Variants in PIP5K1B observed in about 807,000 individuals in gnomAD.
PIP5K1B encodes the protein phosphatidylinositol-4-phosphate 5-kinase type 1 beta.
In PIP5K1B, 42 loss-of-function variants were observed where a neutral mutation model predicts 67.0. The ratio of observed to expected loss-of-function variants is 0.63; its 90% CI spans 0.49 to 0.81. PIP5K1B has a LOEUF of 0.81. Among genes scored for constraint, PIP5K1B ranks in the 30% least tolerant of loss-of-function variants. The probability of loss-of-function intolerance (pLI) is 0.00; values close to 1 mark genes in which losing one functional copy is unlikely to be tolerated. For missense variants in PIP5K1B, 459 were observed against 646.3 expected (o/e 0.71, Z 3.14); for synonymous variants, 214 against 231.4 (o/e 0.92, Z 0.68).
chr9:68,863,839 T>C lies in PIP5K1B; in HGVS notation c.72T>C (p.Thr24=). 1.2e-6 allele frequency: 2 copies of C among 1,613,540 alleles called. No individual in the cohort carries two copies. The highest frequency in any genetic ancestry group is 1.7e-6 in the Non-Finnish European group (2 of 1,179,650). ...TGAGACCCTTGTTTTCTTTGCAGAC[T>C]GCATCATCTGCTATTAAAGGTGCTA... ...KQNEEKTYKK[T]ASSAIKGAIQ... The change falls in exon 5 of 16, where the codon ACT becomes ACC. Residue 24 remains threonine, a splice_region_variant and synonymous_variant. Coordinates refer to ENST00000265382, the MANE Select transcript of PIP5K1B (RefSeq NM_003558.4).
intron 14 of PIP5K1B, among the ~76,000 whole-genome samples, chr9:68,971,050 G>A (rs980670214): frequency 2.0e-5 from 3 of 151,900 alleles, no homozygotes; most frequent in African/African-American, 4.8e-5. Flanking sequence ...TATGCAGAAC[G>A]TGCAGGTTTG....
intron 2 of PIP5K1B, chr9:68,780,081 C>T (rs918424948): frequency 4.9e-6 from 7 of 1,421,868 alleles, no homozygotes; most frequent in South Asian, 1.7e-5. Flanking sequence ...TCGGTGGCGG[C>T]GGCAGCGGCG....
chr9:68,898,124 G>A (rs1667040309), intron 8 of PIP5K1B, among the ~76,000 whole-genome samples: 1 of 152,146 alleles, frequency 6.6e-6, no homozygotes, highest in African/African-American at 2.4e-5. Flanking sequence ...CCTTTGGGAT[G>A]GTTCATTCCT....
At chr9:68,824,006 AAAGAT>A in intron 4 of PIP5K1B, 1 of 465,998 alleles carries the variant, frequency 2.1e-6, no homozygotes, top group Non-Finnish European at 4.3e-6. Context: ...AGAGTTGGGT[AAAGAT>A]TCAAGAGCTC....
intron 14 of PIP5K1B, among the ~76,000 whole-genome samples, chr9:68,963,813 G>A (rs1045029494): frequency 4.6e-5 from 7 of 152,114 alleles, no homozygotes; most frequent in South Asian, 2.1e-4. Context: ...TCCTTCAACC[G>A]TGGGTGGTCA....
At chr9:68,746,076 C>CTTTTTTT (rs11306038) in intron 2 of PIP5K1B, among the ~76,000 whole-genome samples, 10 of 107,100 alleles carry the variant, frequency 9.3e-5, no homozygotes, top group African/African-American at 2.9e-4. Flanking sequence ...TGTGTTAACT[C>CTTTTTTT]TTTTTTTTTT....
chr9:68,751,022 T>A (rs927864712), intron 2 of PIP5K1B, among the ~76,000 whole-genome samples: 1 of 152,214 alleles, frequency 6.6e-6, no homozygotes, highest in African/African-American at 2.4e-5. Context: ...GTGGCTTTGG[T>A]TTATCCCAGC....
At chr9:68,957,437 C>T (rs1157424408) in intron 14 of PIP5K1B, among the ~76,000 whole-genome samples, 1 of 152,036 alleles carries the variant, frequency 6.6e-6, no homozygotes, top group East Asian at 1.9e-4. Flanking sequence ...TTTTTTCACC[C>T]ATCACTAGGT....
chr9:68,917,423 C>G (rs1826155076), intron 8 of PIP5K1B, 125 bp from the exon 9 acceptor site: 1 of 725,656 alleles, frequency 1.4e-6, no homozygotes, highest in Admixed American at 2.3e-5. Flanking sequence ...CTTCATCTCT[C>G]AGCCACCCCG....
chr9:68,916,402 CCTGT>C (rs1322377380), intron 8 of PIP5K1B, among the ~76,000 whole-genome samples: 3 of 152,186 alleles, frequency 2.0e-5, no homozygotes, highest in Non-Finnish European at 2.9e-5. Context: ...ACCTTTGTCT[CCTGT>C]CATTTTCTTT....
chr9:68,941,508 T>C (rs779040308), intron 14 of PIP5K1B, among the ~76,000 whole-genome samples: 2 of 152,236 alleles, frequency 1.3e-5, no homozygotes, highest in Non-Finnish European at 2.9e-5. Context: ...TTTTGGAAAT[T>C]GTATGCTCTC....
chr9:68,945,144 T>C, intron 14 of PIP5K1B, among the ~76,000 whole-genome samples: 1 of 151,376 alleles, frequency 6.6e-6, no homozygotes, highest in Non-Finnish European at 1.5e-5. Context: ...GGTTTTTGGG[T>C]TTTGGTTTTT....
chr9:69,001,387 G>T (rs1466241912), intron 15 of PIP5K1B, among the ~76,000 whole-genome samples: 2 of 150,086 alleles, frequency 1.3e-5, no homozygotes, highest in Non-Finnish European at 3.0e-5. Context: ...AGGGGTCAGA[G>T]TGGATTGTGT....
At chr9:68,782,863 C>T (rs1831378101) in intron 2 of PIP5K1B, 1 of 167,056 alleles carries the variant, frequency 6.0e-6, no homozygotes, top group Non-Finnish European at 1.5e-5. Context: ...CTTGCATTAG[C>T]TCAATTGATG....
intron 1 of PIP5K1B, among the ~76,000 whole-genome samples, chr9:68,732,786 G>A (rs986775836): frequency 6.6e-6 from 1 of 152,154 alleles, no homozygotes. Flanking sequence ...GAGTAGAAAG[G>A]TCTGCTGTCC....
At chr9:68,713,184 A>G (rs947772777) in intron 1 of PIP5K1B, among the ~76,000 whole-genome samples, 2 of 152,216 alleles carry the variant, frequency 1.3e-5, no homozygotes, top group African/African-American at 4.8e-5. Flanking sequence ...GGATCACCTG[A>G]GGTCAGGGGT....
chr9:69,007,009 AC>A (rs1480117114), intron 15 of PIP5K1B, among the ~76,000 whole-genome samples: 3 of 152,198 alleles, frequency 2.0e-5, no homozygotes, highest in Non-Finnish European at 2.9e-5. Context: ...CCACTTGCCC[AC>A]TGCTATAGCT....
chr9:68,925,995 C>T (rs1468227352), intron 12 of PIP5K1B, among the ~76,000 whole-genome samples: 5 of 151,770 alleles, frequency 3.3e-5, no homozygotes, highest in Non-Finnish European at 4.4e-5. Flanking sequence ...GGGGTTTCGT[C>T]GTGTTGGCCA....
intron 4 of PIP5K1B, among the ~76,000 whole-genome samples, chr9:68,850,670 T>TC (rs566564697): frequency 1.4e-4 from 21 of 152,348 alleles, no homozygotes; most frequent in Non-Finnish European, 2.8e-4. Context: ...AAATAACAAG[T>TC]CCTCTACCAG....
Sources: allele counts gnomAD v4.1 joint callset (sites outside exome capture counted in the v4.1 genomes callset), GRCh38; gene constraint gnomAD v4.1.1; transcripts MANE v1.5; gene names NCBI Gene and HGNC (gene_info 2026-07-23, HGNC 2026-07-21).